ACYP2: variants seen among roughly 807,000 people sequenced by gnomAD.
The protein encoded by ACYP2 is acylphosphatase 2, also known as acylphosphatase-2.
A neutral mutation model predicts 11.2 loss-of-function variants in ACYP2; 12 were observed. The observed-to-expected ratio is 1.08, with a 90% CI of 0.69 to 1.74. ACYP2 has a LOEUF of 1.74. Ranked by LOEUF, ACYP2 falls within the 40% of genes most tolerant of loss-of-function variation. The pLI is 0.00. For synonymous variants in ACYP2, 43 were observed against 32.2 expected (o/e 1.33, Z -1.13); for missense variants, 134 against 101.9 (o/e 1.31, Z -1.35).
chr2:54,213,299 C>T (rs757012815), intron 6 of ACYP2, among the ~76,000 whole-genome samples: 62 of 152,122 alleles, frequency 4.1e-4, no homozygotes, highest in Middle Eastern at 3.2e-3. Context: ...TGTAGTATTC[C>T]ATGGTGTATA....
intron 2 of ACYP2, among the ~76,000 whole-genome samples, chr2:54,015,645 TCACACACACACACACACA>T (rs4027206): frequency 2.3e-5 from 3 of 130,420 alleles, no homozygotes; most frequent in Non-Finnish European, 3.2e-5. Context: ...TGAGACCCCG[TCACACACACACACACACA>T]CACACACACA....
At chr2:54,009,140 A>G (rs1346839812) in intron 2 of ACYP2, among the ~76,000 whole-genome samples, 4 of 151,068 alleles carry the variant, frequency 2.6e-5, no homozygotes, top group Non-Finnish European at 4.4e-5. Flanking sequence ...GCAACAGAGC[A>G]AGACTCCATC....
At chr2:54,275,623 C>T (rs1688523855) in intron 6 of ACYP2, among the ~76,000 whole-genome samples, 1 of 152,148 alleles carries the variant, frequency 6.6e-6, no homozygotes, top group African/African-American at 2.4e-5. Context: ...AAGGCTTTGA[C>T]AGGGAGAAAC....
intron 6 of ACYP2, among the ~76,000 whole-genome samples, chr2:54,269,852 A>G (rs1272603805): frequency 1.3e-5 from 2 of 152,194 alleles, no homozygotes; most frequent in Non-Finnish European, 2.9e-5. Context: ...TTCTACGTGT[A>G]TAATATGAAT....
chr2:54,109,396 T>C (rs143385579), intron 4 of ACYP2, among the ~76,000 whole-genome samples: 63 of 152,120 alleles, frequency 4.1e-4, no homozygotes, highest in Admixed American at 1.1e-3. Flanking sequence ...ACAGTGGACT[T>C]TGGATACTCG....
chr2:54,218,921 G>C (rs1397537097), intron 6 of ACYP2, among the ~76,000 whole-genome samples: 1 of 152,146 alleles, frequency 6.6e-6, no homozygotes, highest in African/African-American at 2.4e-5. Context: ...AGGGAGTTTT[G>C]AAAGGTATTA....
At chr2:54,248,786 T>C (rs1687076700) in intron 6 of ACYP2, among the ~76,000 whole-genome samples, 1 of 152,186 alleles carries the variant, frequency 6.6e-6, no homozygotes, top group African/African-American at 2.4e-5. Flanking sequence ...CGAACATCTG[T>C]AAACAACTAA....
chr2:54,018,680 A>G (rs1354259226), intron 2 of ACYP2, among the ~76,000 whole-genome samples: 2 of 152,126 alleles, frequency 1.3e-5, no homozygotes, highest in Admixed American at 6.5e-5. Flanking sequence ...AAAATACAAA[A>G]TAGAACTTCT....
At chr2:54,193,064 TA>T (rs1031316221) in intron 6 of ACYP2, among the ~76,000 whole-genome samples, 1 of 152,218 alleles carries the variant, frequency 6.6e-6, no homozygotes, top group African/African-American at 2.4e-5. Context: ...AAATGTGACT[TA>T]AACATGAAAA....
In ACYP2 at chr2:54,201,636, C is replaced by CTTTCTTTCTTTCTCTTTCTTTCTT. The variant is rs59874821; in HGVS notation, c.404+62889_404+62890insTTCTTTCTTTCTCTTTCTTTCTTT. On this transcript the variant is annotated intron_variant, in intron 6 of 6. Transcript: ENST00000607452. ...TCTTTCTTTCTTTGTTTCTTTCTTT[C>CTTTCTTTCTTTCTCTTTCTTTCTT]TCTTTCTTTCTTTCTTTCTTTCTTT... Among the ~76,000 whole-genome samples the CTTTCTTTCTTTCTCTTTCTTTCTT allele has an allele frequency of 2.0e-4, 19 of 93,694 alleles. 1 individual carries two copies. Among genetic ancestry groups the CTTTCTTTCTTTCTCTTTCTTTCTT allele is most frequent in the Admixed American group, 1.6e-3 (14 of 8,944 alleles). The allele number at this position is 93,694 out of a possible 152,430, so 61.5% of individuals were successfully genotyped here.
intron 4 of ACYP2, among the ~76,000 whole-genome samples, chr2:54,098,824 C>T (rs1206144268): frequency 6.6e-6 from 1 of 151,548 alleles, no homozygotes; most frequent in Non-Finnish European, 1.5e-5. Flanking sequence ...ATCTCCCAGG[C>T]TCAAGTGATT....
chr2:54,292,032 T>A (rs1689330972), intron 6 of ACYP2, among the ~76,000 whole-genome samples: 1 of 152,204 alleles, frequency 6.6e-6, no homozygotes, highest in Non-Finnish European at 1.5e-5. Context: ...GTTTTGTTTT[T>A]TACTTTTTAA....
chr2:54,157,834 A>G (rs1572867569), intron 6 of ACYP2, among the ~76,000 whole-genome samples: 1 of 152,138 alleles, frequency 6.6e-6, no homozygotes. Flanking sequence ...ATGCATGGTG[A>G]AGAGGAGGCT....
In ACYP2 at chr2:54,114,379, T is replaced by TA. The variant is rs1558537457; in HGVS notation, c.278-21074_278-21073insA. 6.1e-3 allele frequency among the ~76,000 whole-genome samples: 149 copies of TA among 24,378 alleles called. 1 individual carries two copies. The highest frequency in any genetic ancestry group is 0.03 in the African/African-American group (149 of 4,976). The allele number at this position is 24,378 out of a possible 152,430, so 16.0% of individuals were successfully genotyped here. A position where few individuals can be genotyped will look rare whatever the true frequency, so the allele number is the denominator to read the frequency against. On this transcript the variant is annotated intron_variant, in intron 4 of 6. Coordinates refer to ENST00000607452, the MANE Select transcript of ACYP2 (RefSeq NM_001320586.2). ...ATGTTGCTGAGAATAATCAAGACAATCAAAAAAAAAAAAAAAAAAAAAGGT... is the reference window on the plus strand; with the variant it reads ...ATGTTGCTGAGAATAATCAAGACAATACAAAAAAAAAAAAAAAAAAAAAGGT...
At chr2:54,304,268 C>A (rs1447047100) in intron 6 of ACYP2, among the ~76,000 whole-genome samples, 2 of 151,028 alleles carry the variant, frequency 1.3e-5, no homozygotes, top group African/African-American at 4.9e-5. Context: ...ATGTATCTCT[C>A]TATATACACA....
rs184080302 is a variant in ACYP2, at chr2:54,278,032, T to G, written c.405-26656T>G. Among the ~76,000 whole-genome samples the G allele has an allele frequency of 3.3e-5, 5 of 152,290 alleles. No individual in the cohort carries two copies. In the East Asian group the frequency reaches 9.6e-4, roughly 29 times the overall value. ...TCTCGCTCTGTCACCCAGGCTGGACTCCAGTGGCTCACTCGGCTCACTGCA... is the reference window on the plus strand; with the variant it reads ...TCTCGCTCTGTCACCCAGGCTGGACGCCAGTGGCTCACTCGGCTCACTGCA... On this transcript the variant is annotated intron_variant, in intron 6 of 6. Transcript: ENST00000607452.
At chr2:54,213,576 G>A (rs891128548) in intron 6 of ACYP2, among the ~76,000 whole-genome samples, 9 of 152,126 alleles carry the variant, frequency 5.9e-5, no homozygotes, top group Admixed American at 3.9e-4. Flanking sequence ...CTGCAACCTC[G>A]CCAGCATCTG....
intron 6 of ACYP2, among the ~76,000 whole-genome samples, chr2:54,243,482 ATTTATTTG>A (rs1449045707): frequency 2.0e-5 from 3 of 152,040 alleles, no homozygotes; most frequent in Non-Finnish European, 4.4e-5. Flanking sequence ...TTATTTATTT[ATTTATTTG>A]TTCATTCATT....
chr2:54,105,465 A>C (rs1394867506), intron 4 of ACYP2, among the ~76,000 whole-genome samples: 1 of 151,730 alleles, frequency 6.6e-6, no homozygotes, highest in African/African-American at 2.4e-5. Context: ...CCCATCTCTA[A>C]ATTTTTTAAA....
Sources: gnomAD v4.1 joint callset for allele counts (sites outside exome capture counted in the v4.1 genomes callset) on GRCh38, gnomAD v4.1.1 for gene constraint, MANE v1.5 for transcripts, NCBI Gene and HGNC (gene_info 2026-07-23, HGNC 2026-07-21) for gene names.